NMD3: variants seen among roughly 807,000 people sequenced by gnomAD.
NMD3 encodes the protein NMD3 ribosome export adaptor.
NMD3 carries 47 observed loss-of-function variants against 73.1 expected under a neutral mutation model. The observed-to-expected ratio is 0.64, with a 90% CI of 0.51 to 0.82. NMD3 has a LOEUF of 0.82. Among genes scored for constraint, NMD3 ranks in the 40% least tolerant of loss-of-function variants. The pLI is 0.00. For missense variants in NMD3, 554 were observed against 612.5 expected, an observed-to-expected ratio of 0.90 and a Z score of 1.01; for synonymous variants, 210 against 194.5, an observed-to-expected ratio of 1.08 and a Z score of -0.66.
At chr3:161,224,847 G>A (rs1267047573) in intron 2 of NMD3, 83 bp from the exon 3 acceptor site, 4 of 1,345,994 alleles carry the variant, frequency 3.0e-6, no homozygotes, top group Admixed American at 2.3e-5. Context: ...TAACTTGAAG[G>A]CTTTTGTTTG....
rs374136934 is a variant in NMD3 at position 161,222,032 on chromosome 3, T to C, written c.19T>C (p.Ser7Pro). The C allele has an allele frequency of 6.9e-7, 1 of 1,451,762 alleles. No homozygotes were observed. The highest frequency in any genetic ancestry group is 1.5e-5 in the African/African-American group (1 of 66,844). 89.9% of individuals were successfully genotyped at this position (1,451,762 alleles called of 1,614,324 possible). A position where few individuals can be genotyped will look rare whatever the true frequency, so the allele number is the denominator to read the frequency against. Reference protein sequence around the residue: MEYMAESTDRSPGHILC... With the variant: MEYMAEPTDRSPGHILC... ...CAGAACGATGGAGTATATGGCAGAA[T>C]CCACCGACCGCAGCCCTGGACACAT... Residue 7 changes from serine to proline, a missense_variant, in exon 2 of 16, where the codon TCC (serine) becomes CCC (proline). By Grantham distance (74) the Ser-to-Pro change is moderately conservative. Coordinates refer to ENST00000351193, the MANE Select transcript of NMD3 (RefSeq NM_015938.5).
chr3:161,248,052 C>G (rs557895568), intron 13 of NMD3, among the ~76,000 whole-genome samples: 29 of 151,928 alleles, frequency 1.9e-4, no homozygotes, highest in African/African-American at 7.0e-4. Context: ...TCTCAAGTAG[C>G]TGGGATTACA....
Position 161,223,394 on chromosome 3 carries a change from T to C in NMD3, c.44+1337T>C, listed in dbSNP as rs1228742964. Among the ~76,000 whole-genome samples, 5 of 152,302 alleles carry C rather than the reference T, an allele frequency of 3.3e-5. No homozygotes were observed. In the East Asian group the frequency reaches 7.7e-4, roughly 24 times the overall value. ...CCCAGTACATCTCGAATTATGATAG[T>C]TCCGTCATTTATACTGAGTCTCTAG... On this transcript the variant is annotated intron_variant, in intron 2 of 15. Coordinates refer to ENST00000351193, the MANE Select transcript of NMD3 (RefSeq NM_015938.5).
rs1157670759 is a variant in NMD3 at position 161,235,228 on chromosome 3, A to G, written c.577+16A>G. ...GAGATTCATGGTGAGTTAAAACTCAAAAGCATTTGAAATTATGTCAGATTT... is the reference window on the plus strand; with the variant it reads ...GAGATTCATGGTGAGTTAAAACTCAGAAGCATTTGAAATTATGTCAGATTT... On this transcript the variant is annotated intron_variant, in intron 7 of 15. Coordinates refer to ENST00000351193, the MANE Select transcript of NMD3 (RefSeq NM_015938.5). 1 of 1,213,916 alleles carries G rather than the reference A, an allele frequency of 8.2e-7. No homozygotes were observed. Among genetic ancestry groups the G allele is most frequent in the Non-Finnish European group, 1.2e-6 (1 of 846,930 alleles). 75.2% of individuals were successfully genotyped at this position (1,213,916 alleles called of 1,614,324 possible). A position where few individuals can be genotyped will look rare whatever the true frequency, so the allele number is the denominator to read the frequency against.
chr3:161,221,993 GAACTT>G lies in NMD3; in HGVS notation c.-18_-14del, dbSNP rs1736113984. ...TTTTTTTTTTTTTTTTTTTTTAAAA[GAACTT>G]AAGGCATACAGAACGATGGAGTATA... On this transcript the variant is annotated splice_region_variant and 5_prime_UTR_variant, in exon 2 of 16. Coordinates refer to ENST00000351193, the MANE Select transcript of NMD3 (RefSeq NM_015938.5). 13 of 649,344 alleles carry G rather than the reference GAACTT, an allele frequency of 2.0e-5. No homozygotes were observed. The East Asian group carries it at 2.9e-4, about 15-fold the overall frequency. 40.2% of individuals were successfully genotyped at this position (649,344 alleles called of 1,614,324 possible). A position where few individuals can be genotyped will look rare whatever the true frequency, so the allele number is the denominator to read the frequency against.
chr3:161,242,176 T>C (rs1737008454), intron 10 of NMD3, among the ~76,000 whole-genome samples: 1 of 152,126 alleles, frequency 6.6e-6, no homozygotes, highest in South Asian at 2.1e-4. Context: ...GCAGCTAAGG[T>C]GACAGATACG....
At chr3:161,228,803 A>G (rs1218523663) in intron 4 of NMD3, among the ~76,000 whole-genome samples, 1 of 152,212 alleles carries the variant, frequency 6.6e-6, no homozygotes, top group Non-Finnish European at 1.5e-5. Flanking sequence ...GCCAGTGTGG[A>G]GCAGCATGTT....
chr3:161,231,247 G>T (rs1736536180), intron 4 of NMD3, among the ~76,000 whole-genome samples: 1 of 152,178 alleles, frequency 6.6e-6, no homozygotes, highest in Non-Finnish European at 1.5e-5. Context: ...TAGCTTGAAA[G>T]ATATTTGGTG....
chr3:161,250,414 C>A, intron 15 of NMD3, 88 bp downstream of exon 15: 1 of 746,560 alleles, frequency 1.3e-6, no homozygotes, highest in Non-Finnish European at 2.2e-6. Context: ...AGCTTTGATT[C>A]TCATAAATGT....
chr3:161,252,463 T>A (rs1737529212), downstream of NMD3, among the ~76,000 whole-genome samples: 1 of 152,188 alleles, frequency 6.6e-6, no homozygotes, highest in Non-Finnish European at 1.5e-5. Context: ...TTAGTCTTAC[T>A]CATTTTGATG....
At chr3:161,223,626 T>C (rs1183208232) in intron 2 of NMD3, among the ~76,000 whole-genome samples, 1 of 152,212 alleles carries the variant, frequency 6.6e-6, no homozygotes, top group Non-Finnish European at 1.5e-5. Flanking sequence ...AGTAGACAGC[T>C]GTAGTCTTTT....
At chr3:161,224,856 T>G in intron 2 of NMD3, 74 bp from the exon 3 acceptor site, 2 of 1,419,734 alleles carry the variant, frequency 1.4e-6, no homozygotes, top group Non-Finnish European at 1.9e-6. Context: ...GGCTTTTGTT[T>G]GTTTGGCATC....
At chr3:161,235,323 TTC>T in intron 7 of NMD3, 111 bp downstream of exon 7, 1 of 476,092 alleles carries the variant, frequency 2.1e-6, no homozygotes, top group Non-Finnish European at 3.7e-6. Context: ...CAAAAGAACT[TTC>T]TGTTAGGAAA....
Position 161,246,449 on chromosome 3 carries a change from G to T in NMD3, c.1130+1G>T. 7.3e-7 allele frequency: 1 copy of T among 1,363,112 alleles called. No homozygotes were observed. Among genetic ancestry groups the T allele is most frequent in the Admixed American group, 1.8e-5 (1 of 54,288 alleles). The allele number at this position is 1,363,112 out of a possible 1,614,324, so 84.4% of individuals were successfully genotyped here. A position where few individuals can be genotyped will look rare whatever the true frequency, so the allele number is the denominator to read the frequency against. On this transcript the variant is annotated splice_donor_variant, in intron 12 of 15. Transcript: ENST00000351193. LOFTEE classifies it high-confidence loss of function. ...TAAATCCCGGAGACCTGGTGTTAGG[G>T]TTTGTATTATTTCATATTTTAAACT...
At chr3:161,222,306 T>G (rs1004068031) in intron 2 of NMD3, among the ~76,000 whole-genome samples, 1 of 152,264 alleles carries the variant, frequency 6.6e-6, no homozygotes, top group South Asian at 2.1e-4. Flanking sequence ...CTGTCCAATA[T>G]GTAGCCATTA....
At chr3:161,248,206 T>G (rs1737333101) in intron 13 of NMD3, among the ~76,000 whole-genome samples, 2 of 152,154 alleles carry the variant, frequency 1.3e-5, no homozygotes, top group Middle Eastern at 3.4e-3. Flanking sequence ...AAAAATAAAT[T>G]TAGCCGGGTG....
intron 4 of NMD3, among the ~76,000 whole-genome samples, chr3:161,227,611 C>T (rs1320655188): frequency 2.6e-5 from 4 of 151,544 alleles, no homozygotes; most frequent in African/African-American, 9.7e-5. Flanking sequence ...CCACATCTGG[C>T]TAATTTTTTG....
chr3:161,238,307 T>C, intron 8 of NMD3, 116 bp downstream of exon 8: 1 of 718,094 alleles, frequency 1.4e-6, no homozygotes, highest in South Asian at 1.9e-5. Flanking sequence ...TAGAAATACT[T>C]ACACAATCAG....
At chr3:161,248,306 A>G (rs1329179787) in intron 13 of NMD3, among the ~76,000 whole-genome samples, 1 of 151,922 alleles carries the variant, frequency 6.6e-6, no homozygotes, top group Non-Finnish European at 1.5e-5. Context: ...CCTGGAAAAC[A>G]CAGTGAAACC....
Sources: gnomAD v4.1 joint callset for allele counts (sites outside exome capture counted in the v4.1 genomes callset) on GRCh38, gnomAD v4.1.1 for gene constraint, MANE v1.5 for transcripts, NCBI Gene and HGNC (gene_info 2026-07-23, HGNC 2026-07-21) for gene names.